Variants in FAM135B observed in about 807,000 individuals in gnomAD.
FAM135B encodes family with sequence similarity 135 member B.
Under a neutral mutation model 127.7 loss-of-function variants are expected in FAM135B, and 43 were observed. The observed-to-expected ratio is 0.34, with a 90% confidence interval of 0.26 to 0.43. The LOEUF (loss-of-function observed/expected upper bound fraction) is 0.43. Among genes scored for constraint, FAM135B ranks in the 20% least tolerant of loss-of-function variants. The pLI is 1.00. For synonymous variants in FAM135B, 670 were observed against 665.1 expected (o/e 1.01, Z -0.11); for missense variants, 1,558 against 1,725.6 (o/e 0.90, Z 1.72).
intron 1 of FAM135B, 33 bp from the exon 2 acceptor site, chr8:138,368,035 A>C (rs748168342): frequency 2.0e-6 from 3 of 1,488,878 alleles, no homozygotes; most frequent in Admixed American, 3.3e-5. Flanking sequence ...ACAGTTTGAG[A>C]TCACATCAGC....
intron 7 of FAM135B, among the ~76,000 whole-genome samples, chr8:138,234,748 G>A (rs7818270): frequency 0.19 from 28,335 of 152,216 alleles, 2,919 homozygotes; most frequent in Non-Finnish European, 0.23. Context: ...ACATGCTGCT[G>A]CAATGAGTGT....
At chr8:138,208,694 A>C (rs1216375318) in intron 7 of FAM135B, among the ~76,000 whole-genome samples, 1 of 152,228 alleles carries the variant, frequency 6.6e-6, no homozygotes, top group Non-Finnish European at 1.5e-5. Flanking sequence ...AGTGAGGATA[A>C]AGGGGAAAGA....
intron 7 of FAM135B, among the ~76,000 whole-genome samples, chr8:138,239,281 G>A (rs150855890): frequency 0.084 from 12,849 of 152,160 alleles, 784 homozygotes; most frequent in Admixed American, 0.11. Flanking sequence ...ATTTCATTGT[G>A]GTTTTGATTT....
chr8:138,243,718 G>T lies in FAM135B; in HGVS notation c.543-650C>A, dbSNP rs146877946. Among the ~76,000 whole-genome samples, 1 of 152,312 alleles carries T rather than the reference G, an allele frequency of 6.6e-6. No homozygotes were observed. Among genetic ancestry groups the T allele is most frequent in the East Asian group, 1.9e-4 (1 of 5,188 alleles). ...TCAGGATCAAAGGAGATTAGGAAAA[G>T]ATGTGTGATTATTCAAATTTATCAT... is the stretch of plus-strand genomic sequence containing the variant. On this transcript the variant is annotated intron_variant, in intron 6 of 19. Transcript: ENST00000395297. This position sits in a 1 kb window ranked among gnomAD's most constrained non-coding sequence, Gnocchi z 7.5.
intron 3 of FAM135B, among the ~76,000 whole-genome samples, chr8:138,266,676 A>G (rs1822959439): frequency 6.7e-6 from 1 of 149,642 alleles, no homozygotes; most frequent in Non-Finnish European, 1.5e-5. Flanking sequence ...TAAAATAAAT[A>G]GCACTGCCCA....
Position 138,170,217 on chromosome 8 carries a change from CTTTTTTTTTTTTT to C in FAM135B, c.1104-2181_1104-2169del, listed in dbSNP as rs141401317. ...GTTGTAACTAAGACACTGTTACTAT[CTTTTTTTTTTTTT>C]TTTTTTTTTGAGACAGAGTTTCGCT... On this transcript the variant is annotated intron_variant, in intron 11 of 19. Coordinates refer to ENST00000395297, the MANE Select transcript of FAM135B (RefSeq NM_015912.4). Among the ~76,000 whole-genome samples, 69 of 112,030 alleles carry C rather than the reference CTTTTTTTTTTTTT, an allele frequency of 6.2e-4. 1 individual carries two copies. The highest frequency in any genetic ancestry group is 2.3e-3 in the African/African-American group (67 of 28,866). 73.5% of individuals were successfully genotyped at this position (112,030 alleles called of 152,430 possible).
chr8:138,490,461 T>A (rs1587562415), intron 1 of FAM135B, among the ~76,000 whole-genome samples: 1 of 152,268 alleles, frequency 6.6e-6, no homozygotes, highest in South Asian at 2.1e-4. Flanking sequence ...AGGGCATGCC[T>A]GGTTGGGAGA....
intron 3 of FAM135B, among the ~76,000 whole-genome samples, chr8:138,271,454 A>G (rs1201476029): frequency 6.6e-6 from 1 of 152,144 alleles, no homozygotes; most frequent in Non-Finnish European, 1.5e-5. Flanking sequence ...TTCATTGAAT[A>G]TTTACTAATC....
intron 1 of FAM135B, among the ~76,000 whole-genome samples, chr8:138,432,968 A>G (rs1212755891): frequency 6.6e-6 from 1 of 152,120 alleles, no homozygotes; most frequent in East Asian, 1.9e-4. Flanking sequence ...TGTCCATCCA[A>G]AATCTGTTCC....
At chr8:138,197,332 C>A (rs1275526477) in intron 8 of FAM135B, among the ~76,000 whole-genome samples, 184 bp downstream of exon 8, 1 of 152,186 alleles carries the variant, frequency 6.6e-6, no homozygotes. Context: ...CATGTGTCTT[C>A]TCTTACTGCA....
At chr8:138,375,638 T>C (rs549924995) in intron 1 of FAM135B, among the ~76,000 whole-genome samples, 41 of 152,334 alleles carry the variant, frequency 2.7e-4, no homozygotes, top group African/African-American at 9.9e-4. Context: ...ATCTAGTTAA[T>C]TGTATGAGTG....
intron 3 of FAM135B, among the ~76,000 whole-genome samples, chr8:138,309,387 G>A (rs1411536455): frequency 6.6e-6 from 1 of 152,206 alleles, no homozygotes; most frequent in African/African-American, 2.4e-5. Context: ...AGGGGTGGAG[G>A]GAAAGAGGAG....
chr8:138,237,548 C>G (rs78227954), intron 7 of FAM135B, among the ~76,000 whole-genome samples: 6 of 152,148 alleles, frequency 3.9e-5, no homozygotes, highest in Admixed American at 2.0e-4. Context: ...TGCCAGTTCA[C>G]AAAACCCAGG....
intron 11 of FAM135B, among the ~76,000 whole-genome samples, chr8:138,176,987 G>T (rs1383244235): frequency 6.6e-6 from 1 of 152,294 alleles, no homozygotes; most frequent in Middle Eastern, 3.4e-3. Context: ...CTACCACAGA[G>T]TCTAAGGCAA....
At chr8:138,309,576 G>T (rs1470356373) in intron 3 of FAM135B, among the ~76,000 whole-genome samples, 1 of 152,150 alleles carries the variant, frequency 6.6e-6, no homozygotes, top group Non-Finnish European at 1.5e-5. Context: ...GGGGAACCAG[G>T]TCCCCCTCCA....
At chr8:138,346,879 C>T (rs1298025058) in intron 2 of FAM135B, among the ~76,000 whole-genome samples, 2 of 152,108 alleles carry the variant, frequency 1.3e-5, no homozygotes, top group African/African-American at 4.8e-5. Flanking sequence ...AACTGAAGGC[C>T]TGGCAGGTAG....
chr8:138,344,206 G>C (rs573693405), intron 2 of FAM135B, among the ~76,000 whole-genome samples: 1 of 152,242 alleles, frequency 6.6e-6, no homozygotes, highest in Non-Finnish European at 1.5e-5. Flanking sequence ...CAAAAGATAA[G>C]AAGTGTCAAG....
intron 9 of FAM135B, among the ~76,000 whole-genome samples, chr8:138,189,013 GT>G (rs1003401445): frequency 6.6e-6 from 1 of 152,160 alleles, no homozygotes; most frequent in Non-Finnish European, 1.5e-5. Flanking sequence ...ATGCATTTCT[GT>G]TTTCCTGCTT....
At chr8:138,442,267 T>TATATATATATATATGC (rs34280434) in intron 1 of FAM135B, among the ~76,000 whole-genome samples, 14 of 86,746 alleles carry the variant, frequency 1.6e-4, no homozygotes, top group African/African-American at 5.4e-4. Context: ...TATATATATA[T>TATATATATATATATGC]ATATATATAT....
Sources: gnomAD v4.1 joint callset for allele counts (sites outside exome capture counted in the v4.1 genomes callset) on GRCh38, gnomAD v4.1.1 for gene constraint, Gnocchi (gnomAD v3.1) non-coding constraint, MANE v1.5 for transcripts, NCBI Gene and HGNC (gene_info 2026-07-23, HGNC 2026-07-21) for gene names.